The following AMPH variants were observed in gnomAD, a reference collection of about 807,000 sequenced individuals.
AMPH encodes the protein amphiphysin (Stiff-Mann syndrome with breast cancer 128kD autoantigen).
A neutral mutation model predicts 99.1 loss-of-function variants in AMPH; 49 were observed. The observed-to-expected ratio is 0.49, with a 90% confidence interval of 0.39 to 0.63. The LOEUF (loss-of-function observed/expected upper bound fraction) is 0.63. Among genes scored for constraint, AMPH ranks in the 20% least tolerant of loss-of-function variants. AMPH has a pLI of 0.00. For synonymous variants in AMPH, 314 were observed against 317.3 expected, an observed-to-expected ratio of 0.99 and a Z score of 0.11; for missense variants, 759 against 863.4, an observed-to-expected ratio of 0.88 and a Z score of 1.52.
At chr7:38,580,162 AC>A (rs1166219066) in intron 1 of AMPH, among the ~76,000 whole-genome samples, 1 of 152,158 alleles carries the variant, frequency 6.6e-6, no homozygotes, top group East Asian at 1.9e-4. Context: ...TTTTCTACTT[AC>A]TTTTTATGCC....
At chr7:38,443,965 AG>A (rs1292088662) in intron 11 of AMPH, among the ~76,000 whole-genome samples, 3 of 152,180 alleles carry the variant, frequency 2.0e-5, no homozygotes, top group Non-Finnish European at 2.9e-5. Flanking sequence ...AAAAAGCTAT[AG>A]AAACTAATAA....
In AMPH at chr7:38,465,449, C is replaced by T; in HGVS notation, c.749+18G>A. The T allele has an allele frequency of 1.3e-6, 2 of 1,560,446 alleles. No individual in the cohort carries two copies. Among genetic ancestry groups the T allele is most frequent in the Non-Finnish European group, 1.7e-6 (2 of 1,150,090 alleles). ...AGCAAGCAGGACATTACAGGTGCTC[C>T]AATGAGCAGGGGCCTACCTGGGCGC... On this transcript the variant is annotated intron_variant, in intron 9 of 20. Coordinates refer to ENST00000356264, the MANE Select transcript of AMPH (RefSeq NM_001635.4).
intron 20 of AMPH, among the ~76,000 whole-genome samples, chr7:38,389,001 A>G (rs6972066): frequency 0.72 from 109,490 of 152,096 alleles, 39,722 homozygotes; most frequent in African/African-American, 0.76. Flanking sequence ...GCTTGACCCA[A>G]CACCTGATGT....
intron 1 of AMPH, among the ~76,000 whole-genome samples, chr7:38,620,336 ATGTG>A (rs3056281): frequency 0.5 from 73,327 of 145,388 alleles, 18,820 homozygotes; most frequent in Non-Finnish European, 0.55. Flanking sequence ...AGATATATAT[ATGTG>A]TGTGTGTGTG....
intron 5 of AMPH, among the ~76,000 whole-genome samples, chr7:38,485,499 A>C (rs1175945862): frequency 1.3e-5 from 2 of 151,946 alleles, no homozygotes; most frequent in African/African-American, 4.8e-5. Flanking sequence ...ACGGCAATAT[A>C]ATAATAATAC....
chr7:38,572,098 T>C (rs778669222), intron 1 of AMPH, among the ~76,000 whole-genome samples: 2 of 151,844 alleles, frequency 1.3e-5, no homozygotes, highest in African/African-American at 2.4e-5. Flanking sequence ...AGAGACGGGG[T>C]TTCTCCATGT....
At chr7:38,519,220 C>T (rs138144214) in intron 2 of AMPH, among the ~76,000 whole-genome samples, 43 of 152,354 alleles carry the variant, frequency 2.8e-4, no homozygotes, top group African/African-American at 9.9e-4. Context: ...AAATTACCCA[C>T]TCTGTGGTAT....
chr7:38,609,758 C>T (rs1793561792), intron 1 of AMPH, among the ~76,000 whole-genome samples: 2 of 151,954 alleles, frequency 1.3e-5, no homozygotes, highest in Admixed American at 6.6e-5. Context: ...ATTGCAGGTG[C>T]TGTGTTAATG....
intron 7 of AMPH, among the ~76,000 whole-genome samples, chr7:38,473,371 C>G (rs1429402687): frequency 6.6e-6 from 1 of 152,012 alleles, no homozygotes; most frequent in African/African-American, 2.4e-5. Context: ...AGGACAAAAA[C>G]AAGTGATGCT....
At chr7:38,621,281 T>C (rs1000169975) in intron 1 of AMPH, among the ~76,000 whole-genome samples, 3 of 152,228 alleles carry the variant, frequency 2.0e-5, no homozygotes, top group African/African-American at 7.2e-5. Context: ...AAAATTACTA[T>C]TTTTAACTAA....
At chr7:38,455,242 T>C (rs1787186553) in intron 11 of AMPH, among the ~76,000 whole-genome samples, 1 of 152,098 alleles carries the variant, frequency 6.6e-6, no homozygotes, top group Non-Finnish European at 1.5e-5. Flanking sequence ...GGCTAATTTT[T>C]GTATTTTTAG....
chr7:38,476,272 C>T (rs1159634778), intron 6 of AMPH, among the ~76,000 whole-genome samples: 2 of 152,054 alleles, frequency 1.3e-5, no homozygotes, highest in African/African-American at 2.4e-5. Flanking sequence ...CAATAGAAAC[C>T]ATTAAAAGAC....
chr7:38,490,708 T>C (rs1018062006), intron 5 of AMPH, among the ~76,000 whole-genome samples: 3 of 152,156 alleles, frequency 2.0e-5, no homozygotes, highest in Non-Finnish European at 4.4e-5. Context: ...GTTATTCTAA[T>C]GGAAATCCCT....
intron 17 of AMPH, among the ~76,000 whole-genome samples, chr7:38,396,541 A>G (rs1373045556): frequency 1.3e-5 from 2 of 152,244 alleles, no homozygotes; most frequent in Non-Finnish European, 2.9e-5. Context: ...TCACAAAAGT[A>G]ATGATTTCTC....
intron 2 of AMPH, among the ~76,000 whole-genome samples, chr7:38,529,373 T>C (rs543648692): frequency 6.6e-6 from 1 of 152,376 alleles, no homozygotes; most frequent in East Asian, 1.9e-4. Context: ...CTCAATGTGT[T>C]GTCCCTGGAT....
At chr7:38,602,255 C>T (rs1186868932) in intron 1 of AMPH, among the ~76,000 whole-genome samples, 4 of 152,218 alleles carry the variant, frequency 2.6e-5, no homozygotes, top group South Asian at 2.1e-4. Context: ...TCCTCCACCT[C>T]AGCTCAGTAG....
intron 1 of AMPH, among the ~76,000 whole-genome samples, chr7:38,570,693 T>C (rs1028631610): frequency 7.3e-6 from 1 of 137,858 alleles, no homozygotes; most frequent in Non-Finnish European, 1.6e-5. Context: ...TTAGGGTGAA[T>C]TCCCATCGAT....
In AMPH at chr7:38,466,260, A is replaced by G. The variant is rs774688402; in HGVS notation, c.591-12T>C. 1.3e-6 allele frequency: 2 copies of G among 1,583,076 alleles called. No individual in the cohort carries two copies. The highest frequency in any genetic ancestry group is 1.7e-6 in the Non-Finnish European group (2 of 1,168,960). Reference sequence around the variant, plus strand: ...AAAATCCAACTCGTCTGCCATGTGGAAACACAAAGAGGAAAGAAGAGAGAG... The same window carrying G: ...AAAATCCAACTCGTCTGCCATGTGGGAACACAAAGAGGAAAGAAGAGAGAG... On this transcript the variant is annotated splice_polypyrimidine_tract_variant and intron_variant, in intron 7 of 20. Transcript: ENST00000356264.
chr7:38,386,190 G>A lies in AMPH; in HGVS notation c.1981-1265C>T, dbSNP rs1584022037. Among the ~76,000 whole-genome samples, 8 of 152,256 alleles carry A rather than the reference G, an allele frequency of 5.3e-5. No individual in the cohort carries two copies. The South Asian group carries it at 1.7e-3, about 32-fold the overall frequency. On this transcript the variant is annotated intron_variant, in intron 20 of 20. Transcript: ENST00000356264. ...AACTGATAATATCCTAGCTGATGAG[G>A]AAAAGTGCCCTCTTTAAAATTATGA...
Sources: gnomAD v4.1 joint callset for allele counts (sites outside exome capture counted in the v4.1 genomes callset) on GRCh38, gnomAD v4.1.1 for gene constraint, MANE v1.5 for transcripts, NCBI Gene and HGNC (gene_info 2026-07-23, HGNC 2026-07-21) for gene names.